ANTXR2: variants seen among roughly 807,000 people sequenced by gnomAD.
ANTXR2 encodes ANTXR cell adhesion molecule 2, also known as anthrax toxin receptor 2.
In ANTXR2, 44 loss-of-function variants were observed where a neutral mutation model predicts 73.7. The ratio of observed to expected loss-of-function variants is 0.60; its 90% CI spans 0.47 to 0.77. The LOEUF is 0.77. ANTXR2 is among the 30% of genes least tolerant of loss of function. ANTXR2 has a pLI of 0.00. For synonymous variants in ANTXR2, 217 were observed against 205.9 expected (o/e 1.05, Z -0.46); for missense variants, 604 against 592.5 (o/e 1.02, Z -0.20).
intron 3 of ANTXR2, among the ~76,000 whole-genome samples, chr4:80,062,812 T>G (rs1388157799): frequency 6.6e-6 from 1 of 152,188 alleles, no homozygotes; most frequent in Middle Eastern, 3.2e-3. Flanking sequence ...GGCCTGGGTG[T>G]GAACCCTGGC....
At chr4:79,925,198 A>G (rs771786847) in intron 16 of ANTXR2, among the ~76,000 whole-genome samples, 2 of 151,912 alleles carry the variant, frequency 1.3e-5, no homozygotes, top group Non-Finnish European at 2.9e-5. Flanking sequence ...TGACAACATC[A>G]ATGCACCTTG....
chr4:79,973,532 G>A (rs977567187), intron 16 of ANTXR2, among the ~76,000 whole-genome samples: 55 of 151,940 alleles, frequency 3.6e-4, no homozygotes, highest in African/African-American at 1.2e-3. Context: ...GGTTCAAGTG[G>A]TTCTTTCAAC....
At chr4:79,913,432 C>T (rs1727222443) in intron 16 of ANTXR2, among the ~76,000 whole-genome samples, 1 of 152,120 alleles carries the variant, frequency 6.6e-6, no homozygotes, top group Non-Finnish European at 1.5e-5. Context: ...GTGTGTATGT[C>T]TATAAGTGCA....
At chr4:79,950,706 C>A (rs1728672350) in intron 16 of ANTXR2, among the ~76,000 whole-genome samples, 1 of 152,160 alleles carries the variant, frequency 6.6e-6, no homozygotes, top group South Asian at 2.1e-4. Flanking sequence ...CCAGACTGTT[C>A]CTCAGTCCCT....
chr4:79,933,780 G>C (rs1424104944), intron 16 of ANTXR2, among the ~76,000 whole-genome samples: 3 of 130,336 alleles, frequency 2.3e-5, no homozygotes, highest in African/African-American at 8.4e-5. Context: ...TGTCACCCAG[G>C]CTGGGGTGCA....
At chr4:80,036,071 T>C (rs917609525) in intron 7 of ANTXR2, 39 bp from the exon 8 acceptor site, 1 of 1,428,006 alleles carries the variant, frequency 7.0e-7, no homozygotes, top group Non-Finnish European at 9.4e-7. Context: ...AAGCTATAGA[T>C]CTAAAATTAC....
intron 12 of ANTXR2, among the ~76,000 whole-genome samples, chr4:79,986,963 G>T (rs1730195357): frequency 6.6e-6 from 1 of 152,088 alleles, no homozygotes; most frequent in Non-Finnish European, 1.5e-5. Context: ...AAACCCTCAA[G>T]AACATCAAAG....
At chr4:80,033,396 G>T in intron 9 of ANTXR2, 76 bp downstream of exon 9, 2 of 1,121,474 alleles carry the variant, frequency 1.8e-6, no homozygotes, top group African/African-American at 1.6e-5. Flanking sequence ...AGTTTTCGTT[G>T]GAGAAAAAAA....
intron 16 of ANTXR2, among the ~76,000 whole-genome samples, chr4:79,921,772 G>C (rs1253032369): frequency 6.7e-6 from 1 of 150,300 alleles, no homozygotes; most frequent in Non-Finnish European, 1.5e-5. Context: ...TGGTTGGTTT[G>C]TTTTTCACCA....
intron 12 of ANTXR2, among the ~76,000 whole-genome samples, chr4:79,994,639 T>C (rs1397558308): frequency 2.0e-5 from 3 of 151,828 alleles, no homozygotes; most frequent in Non-Finnish European, 4.4e-5. Flanking sequence ...TCTCCATAAC[T>C]CTTCCTTTTT....
chr4:80,050,395 C>T (rs1029924713), intron 7 of ANTXR2, among the ~76,000 whole-genome samples: 1 of 151,436 alleles, frequency 6.6e-6, no homozygotes, highest in Non-Finnish European at 1.5e-5. Flanking sequence ...TACCTAAGAC[C>T]TTGTTTAAGT....
At chr4:80,003,063 A>G (rs994917873) in intron 12 of ANTXR2, among the ~76,000 whole-genome samples, 23 of 151,444 alleles carry the variant, frequency 1.5e-4, no homozygotes, top group Non-Finnish European at 1.2e-4. Context: ...ATTACTGGGT[A>G]TATACCCAAA....
chr4:80,019,803 T>G (rs991140008), intron 10 of ANTXR2, among the ~76,000 whole-genome samples: 2 of 152,198 alleles, frequency 1.3e-5, no homozygotes, highest in Non-Finnish European at 2.9e-5. Flanking sequence ...GAAGAGATAA[T>G]AATTTTTGTC....
chr4:79,929,725 T>C (rs796886487), intron 16 of ANTXR2, among the ~76,000 whole-genome samples: 24 of 93,598 alleles, frequency 2.6e-4, no homozygotes, highest in African/African-American at 8.4e-4. Context: ...AACTGATATA[T>C]ATGCAAATAT....
chr4:80,033,490 T>TGTAAATG lies in ANTXR2; in HGVS notation c.777_778insCATTTAC (p.Asn260HisfsTer4), dbSNP rs1553891380. 6.3e-7 allele frequency: 1 copy of TGTAAATG among 1,598,838 alleles called. No homozygotes were observed. The highest frequency in any genetic ancestry group is 8.5e-7 in the Non-Finnish European group (1 of 1,173,746). On this transcript the variant is annotated frameshift_variant, in exon 9 of 17. Coordinates refer to ENST00000403729, the MANE Select transcript of ANTXR2 (RefSeq NM_058172.6). LOFTEE classifies it high-confidence loss of function. ...GACCTACTCGTTGTATATGTTTCAT[T>TGTAAATG]TACAGTGTAAGTGCAGAGAACACTG... is the stretch of plus-strand genomic sequence containing the variant.
intron 12 of ANTXR2, among the ~76,000 whole-genome samples, chr4:79,990,735 C>T (rs1730431306): frequency 6.6e-6 from 1 of 152,042 alleles, no homozygotes; most frequent in South Asian, 2.1e-4. Context: ...TCAAACTATG[C>T]TACAAGGCTA....
chr4:79,931,084 C>T (rs535941202), intron 16 of ANTXR2, among the ~76,000 whole-genome samples: 17 of 152,138 alleles, frequency 1.1e-4, no homozygotes, highest in Middle Eastern at 3.4e-3. Context: ...ATACAAAGTC[C>T]AATTCGAGTG....
rs192690174 is a variant in ANTXR2, at chr4:79,925,711, C to A, written c.1429-18244G>T. ...TTATTGAGTGACATTAAAAATAACA[C>A]CTTTACAAATCAGCCAGTGAATAAA... On this transcript the variant is annotated intron_variant, in intron 16 of 16. Coordinates refer to ENST00000403729, the MANE Select transcript of ANTXR2 (RefSeq NM_058172.6). Among the ~76,000 whole-genome samples the A allele has an allele frequency of 2.0e-5, 3 of 152,188 alleles. No homozygotes were observed. The East Asian group carries it at 5.8e-4, about 29-fold the overall frequency.
chr4:79,903,210 T>A lies in ANTXR2; in HGVS notation c.*4219A>T, dbSNP rs1212168439. 6.6e-6 allele frequency: 1 copy of A among 152,128 alleles called. No individual in the cohort carries two copies. Among genetic ancestry groups the A allele is most frequent in the African/African-American group, 2.4e-5 (1 of 41,428 alleles). 9.4% of individuals were successfully genotyped at this position (152,128 alleles called of 1,614,324 possible). On this transcript the variant is annotated 3_prime_UTR_variant, in exon 17 of 17. Coordinates refer to ENST00000403729, the MANE Select transcript of ANTXR2 (RefSeq NM_058172.6). ...AACTTTTGATATCTTCATTCCATCTTCAGTCTATGGTTGAGAGTTGATCTG... is the reference window on the plus strand; with the variant it reads ...AACTTTTGATATCTTCATTCCATCTACAGTCTATGGTTGAGAGTTGATCTG...
Sources: allele counts gnomAD v4.1 joint callset (sites outside exome capture counted in the v4.1 genomes callset), GRCh38; gene constraint gnomAD v4.1.1; transcripts MANE v1.5; gene names NCBI Gene and HGNC (gene_info 2026-07-23, HGNC 2026-07-21).